The following ATP10A variants were observed in gnomAD, a reference collection of about 807,000 sequenced individuals.
ATP10A encodes the protein phospholipid-transporting ATPase VA.
Under a neutral mutation model 147.8 loss-of-function variants are expected in ATP10A, and 111 were observed. The ratio of observed to expected loss-of-function variants is 0.75; its 90% CI spans 0.64 to 0.88. The LOEUF (loss-of-function observed/expected upper bound fraction) is 0.88. ATP10A is among the 40% of genes least tolerant of loss of function. The pLI, the probability that ATP10A is intolerant of heterozygous loss-of-function variation, is 0.00. For missense variants in ATP10A, 1,927 were observed against 1,959.0 expected (o/e 0.98, Z 0.31); for synonymous variants, 875 against 841.6 (o/e 1.04, Z -0.69).
Position 25,683,338 on chromosome 15 carries a change from G to A in ATP10A, c.3440C>T (p.Ala1147Val), listed in dbSNP as rs752845937. 6.2e-7 allele frequency: 1 copy of A among 1,614,148 alleles called. No homozygotes were observed. Among genetic ancestry groups the A allele is most frequent in the African/African-American group, 1.3e-5 (1 of 75,030 alleles). ...CTGCGGGTTGGTCAGCAGCACATTGGCTGGCACATCCCTGTCCAGCACCCC... is the reference window on the plus strand; with the variant it reads ...CTGCGGGTTGGTCAGCAGCACATTGACTGGCACATCCCTGTCCAGCACCCC... ...VTGVLDRDVP[A>V]NVLLTNPQLY... Residue 1147 changes from alanine (A) to valine (V), a missense_variant, in exon 17 of 21, where the codon GCC becomes GTC. Physicochemically the swap from Ala to Val is moderately conservative, Grantham distance 64. Coordinates refer to ENST00000555815, the MANE Select transcript of ATP10A (RefSeq NM_024490.4).
intron 10 of ATP10A, 90 bp from the exon 11 acceptor site, chr15:25,708,390 G>T: frequency 8.7e-7 from 1 of 1,148,506 alleles, no homozygotes; most frequent in Non-Finnish European, 1.3e-6. Context: ...ACGTCTGTTC[G>T]TTACTTGCGA....
intron 1 of ATP10A, among the ~76,000 whole-genome samples, chr15:25,788,252 C>T (rs1196931154): frequency 6.6e-6 from 1 of 152,248 alleles, no homozygotes; most frequent in Non-Finnish European, 1.5e-5. Context: ...CTGGCCACTA[C>T]TTTCATTTAG....
chr15:25,803,645 C>A (rs1410722094), intron 1 of ATP10A, among the ~76,000 whole-genome samples: 1 of 152,204 alleles, frequency 6.6e-6, no homozygotes, highest in Non-Finnish European at 1.5e-5. Flanking sequence ...ATACATTCCC[C>A]AGGATCCAAG....
At chr15:25,734,983 G>A (rs564330870) in intron 3 of ATP10A, among the ~76,000 whole-genome samples, 136 of 141,500 alleles carry the variant, frequency 9.6e-4, no homozygotes, top group Middle Eastern at 3.4e-3. Context: ...CCACGCCTCC[G>A]TATGTCTGCG....
At chr15:25,695,785 T>C (rs1314098841) in intron 13 of ATP10A, among the ~76,000 whole-genome samples, 1 of 152,146 alleles carries the variant, frequency 6.6e-6, no homozygotes, top group Non-Finnish European at 1.5e-5. Flanking sequence ...CTCCATGTAC[T>C]TCTTGATAGT....
At chr15:25,765,860 G>T (rs1414189968) in intron 2 of ATP10A, among the ~76,000 whole-genome samples, 3 of 152,208 alleles carry the variant, frequency 2.0e-5, no homozygotes, top group African/African-American at 7.2e-5. Context: ...GCAGTGCTGA[G>T]GGCGGCCACC....
At chr15:25,778,055 G>A (rs1889708111) in intron 2 of ATP10A, among the ~76,000 whole-genome samples, 1 of 151,888 alleles carries the variant, frequency 6.6e-6, no homozygotes, top group Non-Finnish European at 1.5e-5. Flanking sequence ...TTCTCTGATT[G>A]AATCATGTGT....
At chr15:25,713,447 C>A in intron 10 of ATP10A, among the ~76,000 whole-genome samples, 1 of 152,200 alleles carries the variant, frequency 6.6e-6, no homozygotes, top group East Asian at 1.9e-4. Context: ...CCCCCCAGTT[C>A]TTGGAGGTGG....
intron 15 of ATP10A, among the ~76,000 whole-genome samples, chr15:25,690,255 AAAAAG>A (rs1176623443): frequency 2.5e-4 from 38 of 151,778 alleles, no homozygotes; most frequent in African/African-American, 9.0e-4. Flanking sequence ...AAAAAAAAAA[AAAAAG>A]AGAGACTGGG....
chr15:25,726,879 G>A (rs1199462361), intron 4 of ATP10A, among the ~76,000 whole-genome samples: 4 of 138,890 alleles, frequency 2.9e-5, no homozygotes, highest in East Asian at 4.5e-4. Flanking sequence ...GTGAAATCCC[G>A]TATCTACTAA....
At chr15:25,855,539 A>AG (rs1371355059) in intron 1 of ATP10A, among the ~76,000 whole-genome samples, 1 of 43,128 alleles carries the variant, frequency 2.3e-5, no homozygotes, top group Non-Finnish European at 4.5e-5. Flanking sequence ...AGTATTGGTT[A>AG]AAACACACAC....
At chr15:25,801,516 T>A (rs1438483958) in intron 1 of ATP10A, among the ~76,000 whole-genome samples, 2 of 152,164 alleles carry the variant, frequency 1.3e-5, no homozygotes. Flanking sequence ...GCACTGAGAA[T>A]GAGGGCGGAC....
chr15:25,811,172 G>A (rs1018457251), intron 1 of ATP10A, among the ~76,000 whole-genome samples: 1 of 152,196 alleles, frequency 6.6e-6, no homozygotes, highest in South Asian at 2.1e-4. Context: ...CAGGGAGGGA[G>A]AAGTCAGTAT....
Position 25,796,972 on chromosome 15 carries a change from G to A in ATP10A, c.450-15749C>T, listed in dbSNP as rs78815884. 1.5e-3 allele frequency among the ~76,000 whole-genome samples: 234 copies of A among 152,132 alleles called. 2 individuals carry two copies. The East Asian group carries it at 0.038, about 25-fold the overall frequency. ...TCAAACCATTAACATCTCACATACCGATCTTTTTTTCTGATGAGAACATTT... is the reference window on the plus strand; with the variant it reads ...TCAAACCATTAACATCTCACATACCAATCTTTTTTTCTGATGAGAACATTT... On this transcript the variant is annotated intron_variant, in intron 1 of 20. Coordinates refer to ENST00000555815, the MANE Select transcript of ATP10A (RefSeq NM_024490.4).
At chr15:25,723,583 C>T (rs8034765) in intron 6 of ATP10A, among the ~76,000 whole-genome samples, 15,138 of 151,014 alleles carry the variant, frequency 0.1, 1,274 homozygotes, top group African/African-American at 0.23. Context: ...TAAAATTATC[C>T]CAAAATAAAA....
chr15:25,794,498 C>T (rs1890574744), intron 1 of ATP10A, among the ~76,000 whole-genome samples: 1 of 152,162 alleles, frequency 6.6e-6, no homozygotes, highest in South Asian at 2.1e-4. Flanking sequence ...CAAACAAACA[C>T]TGCCCCGTCT....
At chr15:25,837,275 T>C (rs1293003699) in intron 1 of ATP10A, among the ~76,000 whole-genome samples, 1 of 152,204 alleles carries the variant, frequency 6.6e-6, no homozygotes, top group African/African-American at 2.4e-5. Context: ...GCAACCTAAG[T>C]GTCCACTGAG....
At chr15:25,808,809 T>C (rs1444374798) in intron 1 of ATP10A, among the ~76,000 whole-genome samples, 1 of 152,210 alleles carries the variant, frequency 6.6e-6, no homozygotes, top group African/African-American at 2.4e-5. Context: ...TTATGCCAAA[T>C]GCCATACATT....
chr15:25,694,978 T>A lies in ATP10A; in HGVS notation c.2929A>T (p.Arg977Ter). The A allele has an allele frequency of 6.2e-7, 1 of 1,614,128 alleles. No individual in the cohort carries two copies. The highest frequency in any genetic ancestry group is 8.5e-7 in the Non-Finnish European group (1 of 1,180,008). The change falls in exon 14 of 21, where the codon AGA (arginine) becomes TGA (stop). Residue 977 changes from arginine (R) to a stop codon, truncating the protein, a stop_gained. Coordinates refer to ENST00000555815, the MANE Select transcript of ATP10A (RefSeq NM_024490.4). LOFTEE classifies it high-confidence loss of function. ...TTCTCGAGAGCGTAGGCCAGGCTTCTCCCATCGATCACGAGGCTGGGTCTG... is the reference window on the plus strand; with the variant it reads ...TTCTCGAGAGCGTAGGCCAGGCTTCACCCATCGATCACGAGGCTGGGTCTG... ...GRRPSLVIDG[R>*]SLAYALEKNL...
Sources: allele counts gnomAD v4.1 joint callset (sites outside exome capture counted in the v4.1 genomes callset), GRCh38; gene constraint gnomAD v4.1.1; transcripts MANE v1.5; gene names NCBI Gene and HGNC (gene_info 2026-07-23, HGNC 2026-07-21).